Variants in L3MBTL4 observed in about 807,000 individuals in gnomAD.
L3MBTL4 encodes the protein lethal(3)malignant brain tumor-like protein 4.
Under a neutral mutation model 84.5 loss-of-function variants are expected in L3MBTL4, and 70 were observed. The observed-to-expected ratio is 0.83, with a 90% CI of 0.68 to 1.01. The LOEUF (loss-of-function observed/expected upper bound fraction) is 1.01, where lower values mean the gene tolerates loss of function less well. L3MBTL4 is among the 50% of genes least tolerant of loss of function. The pLI is 0.00. For missense variants in L3MBTL4, 715 were observed against 754.8 expected, an observed-to-expected ratio of 0.95 and a Z score of 0.62; for synonymous variants, 274 against 259.8, an observed-to-expected ratio of 1.05 and a Z score of -0.52.
chr18:6,197,451 C>G (rs1239078727), intron 12 of L3MBTL4, among the ~76,000 whole-genome samples: 2 of 152,202 alleles, frequency 1.3e-5, no homozygotes, highest in African/African-American at 2.4e-5. Flanking sequence ...TTTTGTTCCT[C>G]TTTATGGCTG....
At chr18:5,991,357 A>C (rs1256187807) in intron 16 of L3MBTL4, among the ~76,000 whole-genome samples, 2 of 152,216 alleles carry the variant, frequency 1.3e-5, no homozygotes, top group African/African-American at 2.4e-5. Flanking sequence ...ATACATGTTA[A>C]GCAAATGAGT....
intron 5 of L3MBTL4, among the ~76,000 whole-genome samples, chr18:6,255,102 TC>T (rs2048083499): frequency 6.6e-6 from 1 of 152,184 alleles, no homozygotes; most frequent in Non-Finnish European, 1.5e-5. Context: ...CACATATTTT[TC>T]CCCCAATGAC....
At chr18:6,025,975 T>C (rs913499232) in intron 16 of L3MBTL4, among the ~76,000 whole-genome samples, 6 of 152,364 alleles carry the variant, frequency 3.9e-5, no homozygotes, top group East Asian at 3.9e-4. Context: ...ATTTTGCTTC[T>C]ATCTATCTGA....
intron 1 of L3MBTL4, among the ~76,000 whole-genome samples, chr18:6,375,054 C>T (rs2054311272): frequency 6.6e-6 from 1 of 152,206 alleles, no homozygotes; most frequent in African/African-American, 2.4e-5. Flanking sequence ...TCGGGCTGCT[C>T]TTGCAGTGTA....
intron 12 of L3MBTL4, among the ~76,000 whole-genome samples, chr18:6,189,952 A>C (rs879469382): frequency 6.6e-6 from 1 of 152,238 alleles, no homozygotes; most frequent in African/African-American, 2.4e-5. Context: ...GAAAATGGGC[A>C]GAATCAATGT....
At chr18:6,251,574 A>G (rs998070108) in intron 5 of L3MBTL4, among the ~76,000 whole-genome samples, 10 of 152,184 alleles carry the variant, frequency 6.6e-5, no homozygotes, top group African/African-American at 2.4e-4. Flanking sequence ...CCACAGTGTA[A>G]GTGTATCTGG....
At position 5,956,242 on chromosome 18, in the gene L3MBTL4, G is replaced by A. The variant is rs2095226057; in HGVS notation, c.1823C>T (p.Ser608Leu). 2 of 1,613,720 alleles carry A rather than the reference G, an allele frequency of 1.2e-6. No individual in the cohort carries two copies. The highest frequency in any genetic ancestry group is 1.7e-6 in the Non-Finnish European group (2 of 1,179,900). ...SQELPEEDIA[S>L]GQEVRG ...CATTCATCCCCTGACTTCTTGGCCT[G>A]AGGCAATATCTTCTTCAGGGAGTTC... Residue 608 changes from serine to leucine, a missense_variant, in exon 19 of 19, where the codon TCA becomes TTA. Physicochemically the swap from Ser to Leu is moderately radical, Grantham distance 145. Transcript: ENST00000317931.
intron 13 of L3MBTL4, among the ~76,000 whole-genome samples, chr18:6,156,514 T>C (rs1225123051): frequency 1.3e-5 from 2 of 152,166 alleles, no homozygotes; most frequent in Admixed American, 1.3e-4. Context: ...TACATAACAA[T>C]TGCATCCAGT....
chr18:6,102,303 A>G (rs1033820504), intron 14 of L3MBTL4, among the ~76,000 whole-genome samples: 8 of 152,206 alleles, frequency 5.3e-5, no homozygotes, highest in African/African-American at 1.9e-4. Flanking sequence ...TTAGACATCT[A>G]GCGAAAAGCT....
At chr18:6,082,284 C>T (rs923531995) in intron 15 of L3MBTL4, 5 of 152,064 alleles carry the variant, frequency 3.3e-5, no homozygotes, top group Non-Finnish European at 7.4e-5. Context: ...TTATATTCAA[C>T]ATATGTATCA....
intron 1 of L3MBTL4, among the ~76,000 whole-genome samples, chr18:6,327,539 GT>G (rs1328133295): frequency 6.6e-6 from 1 of 152,088 alleles, no homozygotes; most frequent in Non-Finnish European, 1.5e-5. Flanking sequence ...TTTATGTAAT[GT>G]TTGCTTATAG....
At chr18:5,982,692 ACATCTATCT>A (rs532959761) in intron 16 of L3MBTL4, among the ~76,000 whole-genome samples, 265 of 152,342 alleles carry the variant, frequency 1.7e-3, no homozygotes, top group Non-Finnish European at 2.7e-3. Flanking sequence ...GGCAAAAATG[ACATCTATCT>A]CATTGCTATT....
In L3MBTL4 at chr18:6,303,749, C is replaced by A. The variant is rs113309869; in HGVS notation, c.73-1792G>T. ...GCTTTGACAACCATAAAAACCAAAT[C>A]TAAAAAATAGACTGCACATTTGGAA... On this transcript the variant is annotated intron_variant, in intron 3 of 18. Transcript: ENST00000317931. Among the ~76,000 whole-genome samples, 1,410 of 152,108 alleles carry A rather than the reference C, an allele frequency of 9.3e-3. 23 individuals carry two copies. The highest frequency in any genetic ancestry group is 0.032 in the African/African-American group (1,324 of 41,520).
intron 4 of L3MBTL4, among the ~76,000 whole-genome samples, chr18:6,274,984 T>G (rs566456785): frequency 2.0e-5 from 3 of 152,168 alleles, no homozygotes; most frequent in Non-Finnish European, 4.4e-5. Flanking sequence ...AAGACAAAAC[T>G]AGAGGAGGGG....
intron 12 of L3MBTL4, among the ~76,000 whole-genome samples, chr18:6,177,992 C>A (rs147016730): frequency 1.3e-5 from 2 of 152,070 alleles, no homozygotes; most frequent in East Asian, 1.9e-4. Flanking sequence ...CAGGACAGGA[C>A]AAATACCCCA....
intron 3 of L3MBTL4, among the ~76,000 whole-genome samples, chr18:6,308,536 G>A (rs1292651506): frequency 1.3e-5 from 2 of 152,134 alleles, no homozygotes; most frequent in African/African-American, 2.4e-5. Flanking sequence ...TTAAAATAAT[G>A]TAAATGTTCA....
chr18:6,071,980 G>A (rs917810583), intron 16 of L3MBTL4, among the ~76,000 whole-genome samples: 3 of 151,902 alleles, frequency 2.0e-5, no homozygotes, highest in Non-Finnish European at 4.4e-5. Context: ...GCATATAAAA[G>A]GACGGAAATA....
At chr18:6,415,244 T>C (rs1399734984), upstream of L3MBTL4, 10 of 152,518 alleles carry the variant, frequency 6.6e-5, no homozygotes, top group Admixed American at 5.9e-4. Flanking sequence ...GTCTGAAGGC[T>C]CTCTCCTCCG....
chr18:6,185,960 C>CTATTTTATTTTATTTTATTTATAT (rs976327212), intron 12 of L3MBTL4, among the ~76,000 whole-genome samples: 1 of 145,786 alleles, frequency 6.9e-6, no homozygotes, highest in African/African-American at 2.7e-5. Context: ...AGGGCACTTT[C>CTATTTTATTTTATTTTATTTATAT]TTTATTTTAT....
Sources: allele counts gnomAD v4.1 joint callset (sites outside exome capture counted in the v4.1 genomes callset), GRCh38; gene constraint gnomAD v4.1.1; transcripts MANE v1.5; gene names NCBI Gene and HGNC (gene_info 2026-07-23, HGNC 2026-07-21).